The following DIO2 variants were observed in gnomAD, a reference collection of about 807,000 sequenced individuals.
The protein encoded by DIO2 is iodothyronine deiodinase 2, also known as type II iodothyronine deiodinase.
In DIO2, 19 loss-of-function variants were observed where a neutral mutation model predicts 21.4. That is an observed-to-expected ratio of 0.89 (90% CI 0.62 to 1.30). The LOEUF (loss-of-function observed/expected upper bound fraction) is 1.30. DIO2 is among the 50% of genes most tolerant of loss of function. The pLI is 0.00. For missense variants in DIO2, 302 were observed against 338.1 expected, an observed-to-expected ratio of 0.89 and a Z score of 0.84; for synonymous variants, 122 against 132.9, an observed-to-expected ratio of 0.92 and a Z score of 0.57.
chr14:80,229,531 G>T (rs1259008211), intron 2 of DIO2, among the ~76,000 whole-genome samples: 2 of 152,056 alleles, frequency 1.3e-5, no homozygotes, highest in African/African-American at 4.8e-5. Context: ...ATATCTTCTG[G>T]ACCCTCCCAG....
Position 80,202,567 on chromosome 14 carries a change from CGATA to C in DIO2, c.*118_*121del. On this transcript the variant is annotated 3_prime_UTR_variant, in exon 2 of 2. Transcript: ENST00000438257. ...GAGCTGTTAGAGATTCATGTTCTTC[CGATA>C]GATAAACTCCTGTCTTTCAGTAAGC... 9.6e-7 allele frequency: 1 copy of C among 1,045,274 alleles called. No homozygotes were observed. The highest frequency in any genetic ancestry group is 2.7e-5 in the Admixed American group (1 of 37,408). The allele number at this position is 1,045,274 out of a possible 1,614,324, so 64.7% of individuals were successfully genotyped here. A position where few individuals can be genotyped will look rare whatever the true frequency, so the allele number is the denominator to read the frequency against.
chr14:80,229,260 C>A (rs1406742578), intron 2 of DIO2, among the ~76,000 whole-genome samples: 1 of 152,162 alleles, frequency 6.6e-6, no homozygotes, highest in Non-Finnish European at 1.5e-5. Context: ...GAGCTCTACA[C>A]AAGTCAGATT....
intron 1 of DIO2, among the ~76,000 whole-genome samples, chr14:80,207,080 C>A (rs1023392152): frequency 1.3e-5 from 2 of 152,138 alleles, no homozygotes; most frequent in African/African-American, 2.4e-5. Context: ...TGCACTATTA[C>A]AGTGGTCCTC....
chr14:80,219,277 A>G (rs769447741), intron 2 of DIO2: 3 of 152,232 alleles, frequency 2.0e-5, no homozygotes, highest in Non-Finnish European at 2.9e-5. Context: ...ATAGCATTTG[A>G]TTGCCTTATT....
chr14:80,213,651 T>C (rs994489706), upstream of DIO2, among the ~76,000 whole-genome samples: 6 of 152,202 alleles, frequency 3.9e-5, no homozygotes, highest in African/African-American at 7.2e-5. Context: ...AGTTGGCTCA[T>C]TGAGGACGTC....
intron 2 of DIO2, among the ~76,000 whole-genome samples, chr14:80,228,333 G>A (rs1888617339): frequency 6.6e-6 from 1 of 152,214 alleles, no homozygotes. Flanking sequence ...CCAGGTACCA[G>A]GAAATGTGTT....
chr14:80,230,322 T>C (rs1406672167), intron 2 of DIO2, among the ~76,000 whole-genome samples: 1 of 152,202 alleles, frequency 6.6e-6, no homozygotes, highest in Non-Finnish European at 1.5e-5. Flanking sequence ...AGGCTGTGCA[T>C]GCACCTTTCA....
chr14:80,214,190 T>C (rs913495551), upstream of DIO2, among the ~76,000 whole-genome samples: 4 of 151,684 alleles, frequency 2.6e-5, no homozygotes, highest in African/African-American at 9.7e-5. Flanking sequence ...TCCACTCAAT[T>C]GCCCAGGCCT....
chr14:80,202,015 A>T lies in DIO2; in HGVS notation c.*674T>A, dbSNP rs567680756. ...TTGTCAATTTCATTTCTTTTTTACC[A>T]CTCTCTCCACCTGCCTAGAAATTAA... On this transcript the variant is annotated 3_prime_UTR_variant, in exon 2 of 2. Coordinates refer to ENST00000438257, the MANE Select transcript of DIO2 (RefSeq NM_013989.5). 1 of 174,246 alleles carries T rather than the reference A, an allele frequency of 5.7e-6. No homozygotes were observed. The highest frequency in any genetic ancestry group is 1.2e-5 in the Non-Finnish European group (1 of 83,080). 10.8% of individuals were successfully genotyped at this position (174,246 alleles called of 1,614,324 possible). A position where few individuals can be genotyped will look rare whatever the true frequency, so the allele number is the denominator to read the frequency against.
At chr14:80,218,359 A>G (rs1319983801) in intron 2 of DIO2, among the ~76,000 whole-genome samples, 1 of 152,188 alleles carries the variant, frequency 6.6e-6, no homozygotes, top group East Asian at 1.9e-4. Context: ...ATTATCTGTA[A>G]CCAGGAACTT....
chr14:80,229,656 A>G (rs1200618714), intron 2 of DIO2, among the ~76,000 whole-genome samples: 1 of 152,206 alleles, frequency 6.6e-6, no homozygotes, highest in Non-Finnish European at 1.5e-5. Context: ...TAGCTCGCTC[A>G]CAGTGTGCCA....
rs894910811 is a variant in DIO2, at chr14:80,205,844, A to G, written c.223-2556T>C. 7.2e-6 allele frequency: 4 copies of G among 555,844 alleles called. No individual in the cohort carries two copies. In the East Asian group the frequency reaches 4.0e-4, roughly 56 times the overall value. The allele number at this position is 555,844 out of a possible 1,614,324, so 34.4% of individuals were successfully genotyped here. The stretch of plus-strand genomic sequence containing the variant: ...GACTGGGAAGTATTTATTTTATTGA[A>G]TGAATGCTAGTTGTTATAATTCTAG... On this transcript the variant is annotated intron_variant, in intron 1 of 1. Transcript: ENST00000438257.
chr14:80,228,789 C>A (rs1281382566), intron 2 of DIO2, among the ~76,000 whole-genome samples: 1 of 152,146 alleles, frequency 6.6e-6, no homozygotes, highest in Non-Finnish European at 1.5e-5. Context: ...TGAGATAAAA[C>A]TCGATTAATT....
chr14:80,223,176 T>G (rs1888500405), intron 2 of DIO2, among the ~76,000 whole-genome samples: 1 of 152,216 alleles, frequency 6.6e-6, no homozygotes, highest in Non-Finnish European at 1.5e-5. Flanking sequence ...TGGTACGTGC[T>G]TGACATTGCT....
rs796892720 is a variant in DIO2 at position 80,200,535 on chromosome 14, C to T, written c.*2154G>A. ...TGCAACCAGGTTTTTTATTTTACTG[C>T]TTTAGGGTTCCACGTAAATCTCAAC... On this transcript the variant is annotated 3_prime_UTR_variant, in exon 2 of 2. Transcript: ENST00000438257. 2 of 152,248 alleles carry T rather than the reference C, an allele frequency of 1.3e-5. No individual in the cohort carries two copies. The highest frequency in any genetic ancestry group is 3.9e-4 in the East Asian group (2 of 5,180). 9.4% of individuals were successfully genotyped at this position (152,248 alleles called of 1,614,324 possible). A position where few individuals can be genotyped will look rare whatever the true frequency, so the allele number is the denominator to read the frequency against.
chr14:80,211,401 G>C lies in DIO2; in HGVS notation c.72C>G (p.Phe24Leu). 1.2e-6 allele frequency: 2 copies of C among 1,613,654 alleles called. No individual in the cohort carries two copies. Among genetic ancestry groups the C allele is most frequent in the African/African-American group, 2.7e-5 (2 of 74,942 alleles). The change falls in exon 1 of 2, where the codon TTC becomes TTG. Residue 24 changes from phenylalanine (F) to leucine (L), a missense_variant. By Grantham distance (22) the Phe-to-Leu change is conservative (BLOSUM62 0). Transcript: ENST00000438257. ...GAATGACCGAGTCATAGAGAGCCAG[G>C]AAGAGGCAGTTGGAGAAAAAAACTG... ...ILPVFFSNCL[F>L]LALYDSVILL...
rs754813109 is a variant in DIO2, at chr14:80,203,065, T to G, written c.446A>C (p.Glu149Ala). 1 of 1,613,966 alleles carries G rather than the reference T, an allele frequency of 6.2e-7. No homozygotes were observed. Among genetic ancestry groups the G allele is most frequent in the East Asian group, 2.2e-5 (1 of 44,876 alleles). ...CAGGAAGTCAGCCACTGAGGAGAAC[T>G]CTTCCACCAGTTTGCGGAAGGCTGG... is the stretch of plus-strand genomic sequence containing the variant. ...QLPAFRKLVE[E>A]FSSVADFLLV... is the part of the protein sequence containing the mutation. Residue 149 changes from glutamate to alanine, a missense_variant, in exon 2 of 2, where the codon GAG (glutamate) becomes GCG (alanine). Coordinates refer to ENST00000438257, the MANE Select transcript of DIO2 (RefSeq NM_013989.5).
At chr14:80,209,361 T>C (rs1032416803) in intron 1 of DIO2, among the ~76,000 whole-genome samples, 11 of 152,044 alleles carry the variant, frequency 7.2e-5, no homozygotes, top group African/African-American at 2.4e-4. Flanking sequence ...TTTTTTTTTT[T>C]TTACTTTATA....
intron 2 of DIO2, among the ~76,000 whole-genome samples, chr14:80,228,004 T>C (rs1159607831): frequency 6.6e-6 from 1 of 152,194 alleles, no homozygotes; most frequent in Non-Finnish European, 1.5e-5. Flanking sequence ...GGTCCCTGAA[T>C]TTTAGTCGGA....
Sources: gnomAD v4.1 joint callset for allele counts (sites outside exome capture counted in the v4.1 genomes callset) on GRCh38, gnomAD v4.1.1 for gene constraint, MANE v1.5 for transcripts, NCBI Gene and HGNC (gene_info 2026-07-23, HGNC 2026-07-21) for gene names.